CRYBG3: variants seen among roughly 807,000 people sequenced by gnomAD.
The protein encoded by CRYBG3 is crystallin beta-gamma domain containing 3.
Under a neutral mutation model 244.2 loss-of-function variants are expected in CRYBG3, and 127 were observed. The observed-to-expected ratio is 0.52, with a 90% CI of 0.45 to 0.60. The LOEUF is 0.60. CRYBG3 is among the 20% of genes least tolerant of loss of function. CRYBG3 has a pLI of 0.00. For synonymous variants in CRYBG3, 1,132 were observed against 1,195.8 expected, an observed-to-expected ratio of 0.95 and a Z score of 1.10; for missense variants, 3,325 against 3,442.5, an observed-to-expected ratio of 0.97 and a Z score of 0.85.
chr3:97,908,652 A>G (rs1329571848), intron 15 of CRYBG3, among the ~76,000 whole-genome samples: 1 of 152,170 alleles, frequency 6.6e-6, no homozygotes, highest in African/African-American at 2.4e-5. Flanking sequence ...TCTGCACATG[A>G]GATGGGTTTC....
chr3:97,941,013 A>T, intron 19 of CRYBG3, 135 bp from the exon 20 acceptor site: 1 of 645,626 alleles, frequency 1.5e-6, no homozygotes. Flanking sequence ...ATGCAGATTT[A>T]CTAAAGGGAA....
At chr3:97,939,197 T>TA (rs1305170684) in intron 19 of CRYBG3, among the ~76,000 whole-genome samples, 1 of 152,070 alleles carries the variant, frequency 6.6e-6, no homozygotes, top group Non-Finnish European at 1.5e-5. Context: ...AAGTTTTTTT[T>TA]AACAAGAATA....
chr3:97,940,111 G>A (rs548432750), intron 19 of CRYBG3, among the ~76,000 whole-genome samples: 6 of 152,124 alleles, frequency 3.9e-5, no homozygotes, highest in African/African-American at 9.6e-5. Context: ...AGAACCAAAG[G>A]TGGGGATGTT....
rs778290705 is a variant in CRYBG3, at chr3:97,942,281, T to C, written c.8665-3T>C. On this transcript the variant is annotated splice_polypyrimidine_tract_variant and splice_region_variant and intron_variant, in intron 20 of 21. Coordinates refer to ENST00000389622, the MANE Select transcript of CRYBG3 (RefSeq NM_153605.4). ...CCAATTAATCATTTCTTAACCCTTT[T>C]AGGCCAGTGATACATGTCTTGATGT... is the stretch of plus-strand genomic sequence containing the variant. The C allele has an allele frequency of 2.5e-6, 4 of 1,603,784 alleles. No individual in the cohort carries two copies. Among genetic ancestry groups the C allele is most frequent in the Non-Finnish European group, 3.4e-6 (4 of 1,173,914 alleles).
rs764379457 is a variant in CRYBG3, at chr3:97,877,825, G to T, written c.6631G>T (p.Gly2211Cys). The T allele has an allele frequency of 1.2e-6, 2 of 1,614,028 alleles. No individual in the cohort carries two copies. The highest frequency in any genetic ancestry group is 2.7e-5 in the African/African-American group (2 of 75,012). ...NEPTTSNLQV[G>C]LWPEKTSFLQ... The stretch of plus-strand genomic sequence containing the variant: ...ACCTACTACCTCCAATCTGCAAGTT[G>T]GTCTGTGGCCAGAAAAGACCTCGTT... Residue 2211 changes from glycine (G) to cysteine (C), a missense_variant, in exon 4 of 22, where the codon GGT (glycine) becomes TGT (cysteine). Physicochemically the swap from Gly to Cys is radical, Grantham distance 159 (BLOSUM62 -3). This residue lies in a region of CRYBG3 where 450 missense variants were observed against 424.1 expected (regional missense o/e 1.06). Coordinates refer to ENST00000389622, the MANE Select transcript of CRYBG3 (RefSeq NM_153605.4).
intron 20 of CRYBG3, chr3:97,942,064 AC>A: frequency 2.9e-6 from 1 of 343,828 alleles, no homozygotes; most frequent in Non-Finnish European, 5.2e-6. Flanking sequence ...AAAAACAAGT[AC>A]CTCTATTTCA....
intron 18 of CRYBG3, among the ~76,000 whole-genome samples, chr3:97,934,776 T>C (rs1289672156): frequency 6.6e-6 from 1 of 152,146 alleles, no homozygotes; most frequent in Non-Finnish European, 1.5e-5. Context: ...TTATTCTATC[T>C]AAGCATAAGA....
At chr3:97,838,473 T>C (rs1277341222) in intron 1 of CRYBG3, among the ~76,000 whole-genome samples, 2 of 152,128 alleles carry the variant, frequency 1.3e-5, no homozygotes, top group Non-Finnish European at 2.9e-5. Context: ...GCTCAAAATA[T>C]AGATTCCTGG....
intron 2 of CRYBG3, among the ~76,000 whole-genome samples, chr3:97,854,251 G>A (rs1013797387): frequency 1.3e-5 from 2 of 152,090 alleles, no homozygotes; most frequent in Non-Finnish European, 2.9e-5. Context: ...GTCAAGTAAA[G>A]TGATGCCTCC....
At chr3:97,919,938 G>T (rs149246818) in intron 17 of CRYBG3, among the ~76,000 whole-genome samples, 1 of 151,966 alleles carries the variant, frequency 6.6e-6, no homozygotes, top group East Asian at 1.9e-4. Flanking sequence ...GCTAGTTTTT[G>T]TGTGTTTTTT....
chr3:97,838,707 T>C (rs534676249), intron 1 of CRYBG3, among the ~76,000 whole-genome samples: 16 of 152,142 alleles, frequency 1.1e-4, no homozygotes, highest in Non-Finnish European at 1.5e-4. Flanking sequence ...TGGGCCCAGT[T>C]TTCCACTGCT....
chr3:97,886,377 C>A (rs2039506942), intron 7 of CRYBG3, among the ~76,000 whole-genome samples: 1 of 151,822 alleles, frequency 6.6e-6, no homozygotes. Flanking sequence ...TGGAACGAAT[C>A]TTTAAAAAAC....
At chr3:97,903,353 C>T (rs2039726798) in intron 15 of CRYBG3, among the ~76,000 whole-genome samples, 1 of 151,938 alleles carries the variant, frequency 6.6e-6, no homozygotes, top group South Asian at 2.1e-4. Context: ...TTATAGGAGC[C>T]AAATCACAGA....
chr3:97,922,983 A>G (rs1484765562), intron 17 of CRYBG3, among the ~76,000 whole-genome samples: 1 of 152,218 alleles, frequency 6.6e-6, no homozygotes, highest in Non-Finnish European at 1.5e-5. Context: ...TGTGGCACAT[A>G]TATACCATGG....
Position 97,872,431 on chromosome 3 carries a change from A to T in CRYBG3, c.1237A>T (p.Thr413Ser), listed in dbSNP as rs1176899195. Residue 413 changes from threonine (T) to serine (S), a missense_variant, in exon 4 of 22, where the codon ACT (threonine) becomes TCT (serine). Physicochemically the swap from Thr to Ser is moderately conservative, Grantham distance 58. Around this residue, in one of 4 missense-constraint regions of CRYBG3, gnomAD observed 1,526 missense variants for 1,443.2 expected, o/e 1.06. Coordinates refer to ENST00000389622, the MANE Select transcript of CRYBG3 (RefSeq NM_153605.4). ...AGAAAATACGATAAAAGAAAACAGC[A>T]CTGTGATGAGTAATAGGACATTGGT... ...TTENTIKENSTVMSNRTLVQR... is the reference protein window; with the variant it reads ...TTENTIKENSSVMSNRTLVQR... 1.9e-5 allele frequency: 29 copies of T among 1,535,830 alleles called. No homozygotes were observed. Among genetic ancestry groups the T allele is most frequent in the Non-Finnish European group, 2.4e-5 (27 of 1,146,808 alleles).
intron 3 of CRYBG3, chr3:97,867,129 A>G (rs2039243353): frequency 1.3e-5 from 2 of 152,216 alleles, no homozygotes; most frequent in African/African-American, 4.8e-5. Flanking sequence ...CCTGACCAAC[A>G]TGGAGAAATT....
At chr3:97,904,688 T>TTTTTTA (rs1451140086) in intron 15 of CRYBG3, among the ~76,000 whole-genome samples, 1 of 150,212 alleles carries the variant, frequency 6.7e-6, no homozygotes, top group African/African-American at 2.4e-5. Context: ...TATTTTTTAT[T>TTTTTTA]TTTTTATTTT....
intron 2 of CRYBG3, among the ~76,000 whole-genome samples, chr3:97,859,152 C>T (rs1196479394): frequency 2.6e-5 from 4 of 152,090 alleles, no homozygotes; most frequent in East Asian, 1.9e-4. Flanking sequence ...GGGGCAGTAT[C>T]GTCAGTGACA....
intron 1 of CRYBG3, among the ~76,000 whole-genome samples, chr3:97,829,833 G>GA (rs775213378): frequency 6.6e-6 from 1 of 152,136 alleles, no homozygotes; most frequent in South Asian, 2.1e-4. Flanking sequence ...CTTCTCTCTT[G>GA]AAATAAGTAC....
Sources: allele counts gnomAD v4.1 joint callset (sites outside exome capture counted in the v4.1 genomes callset), GRCh38; gene constraint gnomAD v4.1.1; regional missense constraint gnomAD v4.1.1; transcripts MANE v1.5; gene names NCBI Gene and HGNC (gene_info 2026-07-23, HGNC 2026-07-21).